The following PLCD3 variants were observed in gnomAD, a reference collection of about 807,000 sequenced individuals.
PLCD3 encodes phospholipase C delta 3, also known as 1-phosphatidylinositol 4,5-bisphosphate phosphodiesterase delta-3.
Under a neutral mutation model 82.8 loss-of-function variants are expected in PLCD3, and 62 were observed. The observed-to-expected ratio is 0.75, with a 90% CI of 0.61 to 0.93. The LOEUF is 0.93. PLCD3 is among the 40% of genes least tolerant of loss of function. The probability of loss-of-function intolerance (pLI) is 0.00; values close to 1 mark genes in which losing one functional copy is unlikely to be tolerated. For missense variants in PLCD3, 1,023 were observed against 1,103.4 expected, an observed-to-expected ratio of 0.93 and a Z score of 1.03; for synonymous variants, 478 against 471.8, an observed-to-expected ratio of 1.01 and a Z score of -0.17.
intron 1 of PLCD3, among the ~76,000 whole-genome samples, chr17:45,128,044 C>T (rs1187127736): frequency 1.4e-4 from 22 of 152,158 alleles, no homozygotes; most frequent in East Asian, 7.8e-4. Context: ...CACACAATGG[C>T]GAGGGGTCCC....
chr17:45,126,206 G>A (rs1221840740), intron 1 of PLCD3, among the ~76,000 whole-genome samples: 1 of 151,684 alleles, frequency 6.6e-6, no homozygotes, highest in Non-Finnish European at 1.5e-5. Flanking sequence ...ACCACACCTG[G>A]CTAATTTTTT....
chr17:45,121,774 G>A (rs1362372648), intron 1 of PLCD3, among the ~76,000 whole-genome samples: 2 of 152,124 alleles, frequency 1.3e-5, no homozygotes, highest in African/African-American at 4.8e-5. Context: ...TGGATCACTT[G>A]AGGTCGGGAG....
intron 1 of PLCD3, among the ~76,000 whole-genome samples, chr17:45,124,782 T>C (rs2054368740): frequency 6.6e-6 from 1 of 152,242 alleles, no homozygotes. Context: ...GTGGGGTTTG[T>C]ATCTACTTGA....
In PLCD3 at chr17:45,111,167, T is replaced by C. The variant is rs1276208856; in HGVS notation, c.*1449A>G. 2.6e-5 allele frequency: 4 copies of C among 152,252 alleles called. No homozygotes were observed. The highest frequency in any genetic ancestry group is 4.4e-5 in the Non-Finnish European group (3 of 68,058). 9.4% of individuals were successfully genotyped at this position (152,252 alleles called of 1,614,324 possible). On this transcript the variant is annotated 3_prime_UTR_variant, in exon 15 of 15. Transcript: ENST00000619929. ...TCGCCTAGTGTCCAGTGCGCTCTCC[T>C]GGCATTTCTATAGAGGCGGCCCAAG...
chr17:45,118,379 G>A lies in PLCD3; in HGVS notation c.1027C>T (p.Leu343Phe). ...GAGGAAGAGATGAAGTAGTGGGCAAGGGGCTGGTTCATGTCCTGGAACACA... is the reference window on the plus strand; with the variant it reads ...GAGGAAGAGATGAAGTAGTGGGCAAAGGGCTGGTTCATGTCCTGGAACACA... ...TCVFQDMNQP[L>F]AHYFISSSHN... The change falls in exon 6 of 15, where the codon CTT becomes TTT. Residue 343 changes from leucine (L) to phenylalanine (F), a missense_variant. Physicochemically the swap from Leu to Phe is conservative, Grantham distance 22 (BLOSUM62 0). This residue lies in a region of PLCD3 where 553 missense variants were observed against 655.7 expected (regional missense o/e 0.84). Coordinates refer to ENST00000619929, the MANE Select transcript of PLCD3 (RefSeq NM_133373.5). This position sits in a 1 kb window ranked among gnomAD's most constrained non-coding sequence, Gnocchi z 4.1. The A allele has an allele frequency of 6.2e-7, 1 of 1,614,054 alleles. No individual in the cohort carries two copies. The highest frequency in any genetic ancestry group is 8.5e-7 in the Non-Finnish European group (1 of 1,179,892).
In PLCD3 at chr17:45,112,964, G is replaced by T; in HGVS notation, c.2180C>A (p.Pro727Gln). 1 of 1,612,006 alleles carries T rather than the reference G, an allele frequency of 6.2e-7. No homozygotes were observed. The highest frequency in any genetic ancestry group is 1.1e-5 in the South Asian group (1 of 90,748). ...GQTLQFQLRA[P>Q]ELALVRFVVE... Reference sequence around the variant, plus strand: ...CACAAACCGGACCAGTGCCAGCTCCGGAGCCCGCAGCTGGAACTGCAGGGT... The same window carrying T: ...CACAAACCGGACCAGTGCCAGCTCCTGAGCCCGCAGCTGGAACTGCAGGGT... Residue 727 changes from proline to glutamine, a missense_variant, in exon 14 of 15, where the codon CCG (proline) becomes CAG (glutamine). By Grantham distance (76) the Pro-to-Gln change is moderately conservative. Around this residue, in one of 3 missense-constraint regions of PLCD3, gnomAD observed 553 missense variants for 655.7 expected, o/e 0.84. Coordinates refer to ENST00000619929, the MANE Select transcript of PLCD3 (RefSeq NM_133373.5).
rs1313301940 is a variant in PLCD3 at position 45,120,939 on chromosome 17, G to A, written c.517C>T (p.Arg173Cys). 1 of 1,477,326 alleles carries A rather than the reference G, an allele frequency of 6.8e-7. No homozygotes were observed. Among genetic ancestry groups the A allele is most frequent in the Admixed American group, 2.4e-5 (1 of 40,868 alleles). 91.5% of individuals were successfully genotyped at this position (1,477,326 alleles called of 1,614,324 possible). Residue 173 changes from arginine to cysteine, a missense_variant, in exon 3 of 15, where the codon CGC (arginine) becomes TGC (cysteine). This residue lies in a region of PLCD3 where 448 missense variants were observed against 406.3 expected (regional missense o/e 1.10). Transcript: ENST00000619929. ...WVRGLTKLRA[R>C]LDAMSQRERL... ...TCGCGCTGGCTCATGGCGTCCAGGC[G>A]CGCGCGGAGCTTGGTCAGACCGCGC... is the stretch of plus-strand genomic sequence containing the variant.
chr17:45,118,634 C>T lies in PLCD3; in HGVS notation c.914-142G>A. 1.7e-6 allele frequency: 2 copies of T among 1,154,640 alleles called. No homozygotes were observed. Among genetic ancestry groups the T allele is most frequent in the Non-Finnish European group, 2.4e-6 (2 of 819,456 alleles). 71.5% of individuals were successfully genotyped at this position (1,154,640 alleles called of 1,614,324 possible). A position where few individuals can be genotyped will look rare whatever the true frequency, so the allele number is the denominator to read the frequency against. ...CTCCATGTAAGTCATGCCACTTAACCTTCGACCAGACCCTGGGAGGAAGAC... is the reference window on the plus strand; with the variant it reads ...CTCCATGTAAGTCATGCCACTTAACTTTCGACCAGACCCTGGGAGGAAGAC... On this transcript the variant is annotated intron_variant, in intron 5 of 14. Coordinates refer to ENST00000619929, the MANE Select transcript of PLCD3 (RefSeq NM_133373.5). This position sits in a 1 kb window ranked among gnomAD's most constrained non-coding sequence, Gnocchi z 4.1.
intron 1 of PLCD3, among the ~76,000 whole-genome samples, chr17:45,123,964 C>CGCCT (rs1555610231): frequency 6.9e-6 from 1 of 145,136 alleles, no homozygotes; most frequent in Admixed American, 6.8e-5. Flanking sequence ...AGACCCCCCC[C>CGCCT]CCAACCAGGT....
intron 1 of PLCD3, chr17:45,129,282 C>T (rs2054402978): frequency 6.6e-6 from 1 of 152,204 alleles, no homozygotes; most frequent in South Asian, 2.1e-4. Flanking sequence ...AGTGAGACCC[C>T]AACTCTACAA....
intron 1 of PLCD3, among the ~76,000 whole-genome samples, chr17:45,126,046 T>TA (rs963905325): frequency 1.5e-3 from 26 of 17,100 alleles, no homozygotes; most frequent in South Asian, 9.9e-3. Context: ...TTTTACCATA[T>TA]TTTTTTTTTT....
rs1219504247 is a variant in PLCD3, at chr17:45,110,946, C to T, written c.*1670G>A. 6.6e-6 allele frequency: 1 copy of T among 152,262 alleles called. No individual in the cohort carries two copies. The highest frequency in any genetic ancestry group is 1.5e-5 in the Non-Finnish European group (1 of 68,068). 9.4% of individuals were successfully genotyped at this position (152,262 alleles called of 1,614,324 possible). On this transcript the variant is annotated 3_prime_UTR_variant, in exon 15 of 15. Coordinates refer to ENST00000619929, the MANE Select transcript of PLCD3 (RefSeq NM_133373.5). Reference sequence around the variant, plus strand: ...CTAGAAGGTGGAGTCTGCCCCAGCCCTGTGTTTTGGTTTCTGTGGGGCTTG... The same window carrying T: ...CTAGAAGGTGGAGTCTGCCCCAGCCTTGTGTTTTGGTTTCTGTGGGGCTTG...
At chr17:45,121,599 G>A (rs1567882026) in intron 1 of PLCD3, among the ~76,000 whole-genome samples, 1 of 152,094 alleles carries the variant, frequency 6.6e-6, no homozygotes, top group Non-Finnish European at 1.5e-5. Context: ...CCCCCAACCC[G>A]TACCCCATCT....
intron 4 of PLCD3, 112 bp downstream of exon 4, chr17:45,120,213 A>G: frequency 6.9e-7 from 1 of 1,448,488 alleles, no homozygotes; most frequent in Non-Finnish European, 9.4e-7. Context: ...TGCTCGCTCC[A>G]AAAAAGCTGC....
Position 45,112,984 on chromosome 17 carries a change from C to T in PLCD3, c.2160G>A (p.Leu720=). The change falls in exon 14 of 15, where the codon CTG becomes CTA. Residue 720 remains leucine, a synonymous_variant. Transcript: ENST00000619929. ...GCTCCGGAGCCCGCAGCTGGAACTG[C>T]AGGGTCTGCCCCCAGCGGGGGTTGA... is the stretch of plus-strand genomic sequence containing the variant. The part of the protein sequence containing the change: ...NGFNPRWGQT[L]QFQLRAPELA... 1 of 1,610,170 alleles carries T rather than the reference C, an allele frequency of 6.2e-7. No individual in the cohort carries two copies. The highest frequency in any genetic ancestry group is 8.5e-7 in the Non-Finnish European group (1 of 1,177,752).
At chr17:45,116,303 T>C (rs567983146) in intron 8 of PLCD3, among the ~76,000 whole-genome samples, 42 of 152,150 alleles carry the variant, frequency 2.8e-4, no homozygotes, top group African/African-American at 9.6e-4. Context: ...AGAAGGGACT[T>C]CCAGGTGGAG....
At position 45,116,694 on chromosome 17, in the gene PLCD3, C is replaced by T. The variant is rs767499474; in HGVS notation, c.1351G>A (p.Gly451Arg). Residue 451 changes from glycine to arginine, a missense_variant, in exon 8 of 15, where the codon GGG becomes AGG. Transcript: ENST00000619929. ...AMARHLCTIL[G>R]DMLVTQALDS... is the part of the protein sequence containing the mutation. ...AGCGCCTGTGTCACCAGCATGTCCC[C>T]CAGGATGGTGCAGAGGTGGCGGGCC... The T allele has an allele frequency of 2.5e-6, 4 of 1,611,316 alleles. No homozygotes were observed. Among genetic ancestry groups the T allele is most frequent in the Non-Finnish European group, 3.4e-6 (4 of 1,178,540 alleles).
intron 1 of PLCD3, among the ~76,000 whole-genome samples, chr17:45,124,491 G>A (rs948589777): frequency 6.6e-6 from 1 of 152,176 alleles, no homozygotes; most frequent in African/African-American, 2.4e-5. Context: ...TGAGTCCCTG[G>A]TTGGGTGCTT....
intron 1 of PLCD3, among the ~76,000 whole-genome samples, chr17:45,124,966 G>A (rs899606676): frequency 6.6e-6 from 1 of 151,176 alleles, no homozygotes; most frequent in Non-Finnish European, 1.5e-5. Flanking sequence ...CAAGGCAGGC[G>A]GGTCATTTGA....
Sources: gnomAD v4.1 joint callset for allele counts (sites outside exome capture counted in the v4.1 genomes callset) on GRCh38, gnomAD v4.1.1 for gene constraint, gnomAD v4.1.1 regional missense constraint, Gnocchi (gnomAD v3.1) non-coding constraint, MANE v1.5 for transcripts, NCBI Gene and HGNC (gene_info 2026-07-23, HGNC 2026-07-21) for gene names.